EMX1: variants seen among roughly 807,000 people sequenced by gnomAD.
The protein encoded by EMX1 is empty spiracles homeobox 1, also known as homeobox protein EMX1.
EMX1 carries 10 observed loss-of-function variants against 20.1 expected under a neutral mutation model. The observed-to-expected ratio is 0.50, with a 90% CI of 0.31 to 0.84. The LOEUF (loss-of-function observed/expected upper bound fraction) is 0.84, where lower values mean the gene tolerates loss of function less well. Ranked by LOEUF, EMX1 falls within the 40% of genes least tolerant of loss-of-function variation. The pLI, the probability that EMX1 is intolerant of heterozygous loss-of-function variation, is 0.05. For missense variants in EMX1, 424 were observed against 431.9 expected (o/e 0.98, Z 0.16); for synonymous variants, 250 against 200.4 (o/e 1.25, Z -2.09).
intron 2 of EMX1, 50 bp downstream of exon 2, chr2:72,924,543 G>A: frequency 6.7e-7 from 1 of 1,495,930 alleles, no homozygotes; most frequent in South Asian, 1.3e-5. Flanking sequence ...CCGGGTGGAG[G>A]TGAGGGTGCG....
At chr2:72,927,482 C>T (rs1014933863) in intron 2 of EMX1, among the ~76,000 whole-genome samples, 2 of 152,206 alleles carry the variant, frequency 1.3e-5, no homozygotes, top group African/African-American at 2.4e-5. Context: ...TCAGAGCTCA[C>T]CACACAACCC....
At chr2:72,928,445 T>A (rs1033536885) in intron 2 of EMX1, among the ~76,000 whole-genome samples, 1 of 152,184 alleles carries the variant, frequency 6.6e-6, no homozygotes, top group Non-Finnish European at 1.5e-5. Flanking sequence ...TTAGATGCCA[T>A]TAGGCAGTCA....
At chr2:72,921,328 A>G (rs1671100169) in intron 1 of EMX1, among the ~76,000 whole-genome samples, 1 of 152,186 alleles carries the variant, frequency 6.6e-6, no homozygotes, top group South Asian at 2.1e-4. Flanking sequence ...TAACTGTCCT[A>G]GTCCGAAACT....
chr2:72,926,055 G>C, intron 2 of EMX1: 4 of 984,930 alleles, frequency 4.1e-6, no homozygotes, highest in Non-Finnish European at 4.8e-6. Context: ...GTCAGTTTAA[G>C]AATGGTGTTT....
intron 2 of EMX1, among the ~76,000 whole-genome samples, chr2:72,926,775 C>A (rs1438896110): frequency 6.6e-6 from 1 of 152,220 alleles, no homozygotes; most frequent in African/African-American, 2.4e-5. Context: ...ATAAGAAGAT[C>A]CAAACCTGTG....
chr2:72,918,933 A>G (rs1272445436), intron 1 of EMX1, among the ~76,000 whole-genome samples: 4 of 152,208 alleles, frequency 2.6e-5, no homozygotes, highest in Non-Finnish European at 4.4e-5. Context: ...TTTCTCGGCA[A>G]CCTTGGCCCG....
intron 2 of EMX1, chr2:72,925,764 G>A: frequency 2.0e-6 from 2 of 985,366 alleles, no homozygotes; most frequent in South Asian, 9.4e-5. Flanking sequence ...TTTCTTCGGC[G>A]GACCTTACCC....
Position 72,917,842 on chromosome 2 carries a change from G to A in EMX1, c.-11G>A, listed in dbSNP as rs1670996201. ...GCGGGCGGGGGAGGTGAGGGGTGCG[G>A]GCGGGTGTGCATGTGCCTGGCTGGG... On this transcript the variant is annotated 5_prime_UTR_variant, in exon 1 of 3. Coordinates refer to ENST00000258106, the MANE Select transcript of EMX1 (RefSeq NM_004097.3). 1 of 1,397,618 alleles carries A rather than the reference G, an allele frequency of 7.2e-7. No homozygotes were observed. The highest frequency in any genetic ancestry group is 9.3e-7 in the Non-Finnish European group (1 of 1,079,510). The allele number at this position is 1,397,618 out of a possible 1,614,324, so 86.6% of individuals were successfully genotyped here. A position where few individuals can be genotyped will look rare whatever the true frequency, so the allele number is the denominator to read the frequency against.
intron 1 of EMX1, among the ~76,000 whole-genome samples, chr2:72,922,729 G>C (rs1176270991): frequency 3.9e-5 from 6 of 152,168 alleles, no homozygotes; most frequent in Admixed American, 3.9e-4. Flanking sequence ...ACCAACAGAG[G>C]GACAAGAACA....
chr2:72,923,257 T>G (rs1573896844), intron 1 of EMX1, among the ~76,000 whole-genome samples: 1 of 152,234 alleles, frequency 6.6e-6, no homozygotes, highest in Admixed American at 6.5e-5. Context: ...AGTCACACTC[T>G]AAAAATCCTA....
At chr2:72,920,488 C>G (rs1671081964) in intron 1 of EMX1, among the ~76,000 whole-genome samples, 1 of 152,188 alleles carries the variant, frequency 6.6e-6, no homozygotes, top group Non-Finnish European at 1.5e-5. Context: ...CGGATGCGCT[C>G]CCCGGCGGCT....
chr2:72,926,145 C>T, intron 2 of EMX1: 2 of 985,244 alleles, frequency 2.0e-6, no homozygotes, highest in Non-Finnish European at 2.4e-6. Flanking sequence ...GTTTTTAATC[C>T]TACCACCCAC....
intron 2 of EMX1, among the ~76,000 whole-genome samples, chr2:72,929,834 T>C (rs977845880): frequency 9.9e-5 from 15 of 152,242 alleles, no homozygotes; most frequent in African/African-American, 2.7e-4. Context: ...AATGCATACA[T>C]TGATCAGTCC....
intron 1 of EMX1, among the ~76,000 whole-genome samples, chr2:72,918,972 A>G (rs1219852634): frequency 6.6e-6 from 1 of 152,154 alleles, no homozygotes; most frequent in African/African-American, 2.4e-5. Flanking sequence ...TGCCTCTCCT[A>G]CCCAAGGTGG....
rs70963149 is a variant in EMX1 at position 72,919,180 on chromosome 2, T to TACACACACACACAC, written c.520+833_520+846dup. Among the ~76,000 whole-genome samples, 57 of 142,614 alleles carry TACACACACACACAC rather than the reference T, an allele frequency of 4.0e-4. 1 individual carries two copies. Among genetic ancestry groups the TACACACACACACAC allele is most frequent in the African/African-American group, 1.3e-3 (52 of 38,666 alleles). The allele number at this position is 142,614 out of a possible 152,430, so 93.6% of individuals were successfully genotyped here. A position where few individuals can be genotyped will look rare whatever the true frequency, so the allele number is the denominator to read the frequency against. On this transcript the variant is annotated intron_variant, in intron 1 of 2. Coordinates refer to ENST00000258106, the MANE Select transcript of EMX1 (RefSeq NM_004097.3). The stretch of plus-strand genomic sequence containing the variant: ...GCTAATAAAGATCCTCCACTGGCCC[T>TACACACACACACAC]ACACACACACACACACACACACACA...
intron 1 of EMX1, 37 bp from the exon 2 acceptor site, chr2:72,924,272 G>A (rs1342956798): frequency 6.5e-7 from 1 of 1,549,094 alleles, no homozygotes; most frequent in East Asian, 2.3e-5. Context: ...CTCTCTGTCT[G>A]TACCTGCGTG....
chr2:72,926,802 C>T (rs1020188942), intron 2 of EMX1, among the ~76,000 whole-genome samples: 2 of 152,334 alleles, frequency 1.3e-5, no homozygotes, highest in South Asian at 2.1e-4. Flanking sequence ...CTTAGTCCAG[C>T]GTTCTTCCTC....
intron 2 of EMX1, 147 bp downstream of exon 2, chr2:72,924,640 C>T (rs1671163520): frequency 2.9e-6 from 3 of 1,044,356 alleles, no homozygotes; most frequent in Non-Finnish European, 4.0e-6. Flanking sequence ...TGCGGTCAAG[C>T]CCGTCTTTAG....
intron 2 of EMX1, among the ~76,000 whole-genome samples, chr2:72,929,607 G>A (rs569127250): frequency 6.6e-6 from 1 of 152,322 alleles, no homozygotes; most frequent in East Asian, 1.9e-4. Context: ...TTGAAGACAG[G>A]ACACGTATTC....
Sources: gnomAD v4.1 joint callset for allele counts (sites outside exome capture counted in the v4.1 genomes callset) on GRCh38, gnomAD v4.1.1 for gene constraint, MANE v1.5 for transcripts, NCBI Gene and HGNC (gene_info 2026-07-23, HGNC 2026-07-21) for gene names.